CDCA2: variants seen among roughly 807,000 people sequenced by gnomAD.
The protein encoded by CDCA2 is cell division cycle-associated protein 2.
In CDCA2, 44 loss-of-function variants were observed where a neutral mutation model predicts 67.0. The ratio of observed to expected loss-of-function variants is 0.66; its 90% CI spans 0.52 to 0.84. The LOEUF is 0.84. Ranked by LOEUF, CDCA2 falls within the 40% of genes least tolerant of loss-of-function variation. The pLI is 0.00. For missense variants in CDCA2, 1,253 were observed against 1,203.2 expected (o/e 1.04, Z -0.61); for synonymous variants, 447 against 418.7 (o/e 1.07, Z -0.82).
At chr8:25,459,755 T>C (rs765576321) in intron 1 of CDCA2, among the ~76,000 whole-genome samples, 10 of 152,176 alleles carry the variant, frequency 6.6e-5, no homozygotes, top group Non-Finnish European at 1.0e-4. Context: ...TTTCTTTCTG[T>C]TTAATTTGGC....
At position 25,507,539 on chromosome 8, in the gene CDCA2, A is replaced by G; in HGVS notation, c.2873A>G (p.Glu958Gly). ...ATGGCACCTCCCGTCTCAGATCCAG[A>G]AAACAGCCAGGGCCCTGCTGCTGGT... The part of the protein sequence containing the change: ...PQMAPPVSDP[E>G]NSQGPAAGSS... The change falls in exon 15 of 15, where the codon GAA (glutamate) becomes GGA (glycine). Residue 958 changes from glutamate (E) to glycine (G), a missense_variant. Physicochemically the swap from Glu to Gly is moderately conservative, Grantham distance 98. Coordinates refer to ENST00000330560, the MANE Select transcript of CDCA2 (RefSeq NM_152562.4). The G allele has an allele frequency of 6.2e-7, 1 of 1,614,034 alleles. No individual in the cohort carries two copies. Among genetic ancestry groups the G allele is most frequent in the Admixed American group, 1.7e-5 (1 of 60,004 alleles).
intron 7 of CDCA2, chr8:25,472,140 A>C (rs1237426485): frequency 2.6e-5 from 4 of 151,666 alleles, no homozygotes; most frequent in Non-Finnish European, 4.4e-5. Context: ...AACTCAGCGA[A>C]TCTCCCTGCC....
chr8:25,495,587 T>C (rs951759740), intron 13 of CDCA2, among the ~76,000 whole-genome samples: 1 of 152,040 alleles, frequency 6.6e-6, no homozygotes, highest in African/African-American at 2.4e-5. Flanking sequence ...GCTAATTTTT[T>C]ATTTTTTATT....
intron 14 of CDCA2, among the ~76,000 whole-genome samples, chr8:25,505,806 T>A (rs1804654022): frequency 6.6e-6 from 1 of 152,194 alleles, no homozygotes; most frequent in Non-Finnish European, 1.5e-5. Context: ...TCATAAAGCC[T>A]GAACTCATGT....
At chr8:25,489,831 A>G (rs1413177810) in intron 13 of CDCA2, among the ~76,000 whole-genome samples, 1 of 152,202 alleles carries the variant, frequency 6.6e-6, no homozygotes, top group African/African-American at 2.4e-5. Context: ...AGCATGGTTA[A>G]TGACCATATA....
intron 14 of CDCA2, among the ~76,000 whole-genome samples, chr8:25,506,182 T>A (rs17053803): frequency 0.012 from 1,818 of 152,352 alleles, 24 homozygotes; most frequent in African/African-American, 0.042. Context: ...ATGGGAAATG[T>A]CACTGCCTCA....
In CDCA2 at chr8:25,484,135, T is replaced by G; in HGVS notation, c.1290T>G (p.Ser430Arg). Residue 430 changes from serine (S) to arginine (R), a missense_variant, in exon 10 of 15, where the codon AGT (serine) becomes AGG (arginine). Physicochemically the swap from Ser to Arg is moderately radical, Grantham distance 110 (BLOSUM62 -1). Coordinates refer to ENST00000330560, the MANE Select transcript of CDCA2 (RefSeq NM_152562.4). ...GTAAAAAAGACTTCAGTGGTCTCAG[T>G]TCCCTGCTGCTTGAGCAGTCACCTG... The part of the protein sequence containing the change: ...PVCKKDFSGL[S>R]SLLLEQSPVP... 6.2e-7 allele frequency: 1 copy of G among 1,614,176 alleles called. No individual in the cohort carries two copies. Among genetic ancestry groups the G allele is most frequent in the Non-Finnish European group, 8.5e-7 (1 of 1,180,034 alleles).
At chr8:25,461,125 G>A (rs577717081) in intron 3 of CDCA2, among the ~76,000 whole-genome samples, 14 of 151,854 alleles carry the variant, frequency 9.2e-5, no homozygotes, top group African/African-American at 3.4e-4. Flanking sequence ...AAATTAGCCG[G>A]GCATGGTGGT....
Position 25,506,709 on chromosome 8 carries a change from T to A in CDCA2, c.2043T>A (p.Asn681Lys). 6.2e-7 allele frequency: 1 copy of A among 1,610,978 alleles called. No homozygotes were observed. Among genetic ancestry groups the A allele is most frequent in the Non-Finnish European group, 8.5e-7 (1 of 1,179,028 alleles). The change falls in exon 15 of 15, where the codon AAT becomes AAA. Residue 681 changes from asparagine to lysine, a missense_variant. Asn to Lys is a moderately conservative substitution (Grantham distance 94). Coordinates refer to ENST00000330560, the MANE Select transcript of CDCA2 (RefSeq NM_152562.4). ...NATSDEDPNT[N>K]IMNINENKNI... ...CTTCTGATGAAGATCCAAATACAAA[T>A]ATAATGAACATTAATGAAAATAAAA...
intron 7 of CDCA2, among the ~76,000 whole-genome samples, chr8:25,470,770 T>G (rs1469138453): frequency 6.6e-6 from 1 of 151,808 alleles, no homozygotes; most frequent in Non-Finnish European, 1.5e-5. Flanking sequence ...GTTTTTCTTT[T>G]TTTTTTTTTA....
At chr8:25,462,534 G>A (rs1437643242) in intron 4 of CDCA2, among the ~76,000 whole-genome samples, 4 of 98,850 alleles carry the variant, frequency 4.0e-5, no homozygotes, top group South Asian at 2.9e-4. Flanking sequence ...GCTGAGGCAC[G>A]AGAATTGCTT....
intron 14 of CDCA2, 62 bp downstream of exon 14, chr8:25,503,606 T>G (rs1031762848): frequency 1.3e-6 from 2 of 1,508,174 alleles, no homozygotes; most frequent in Non-Finnish European, 1.8e-6. Flanking sequence ...TTTGTTGCTA[T>G]TTTACTTTTT....
At position 25,469,939 on chromosome 8, in the gene CDCA2, A is replaced by T; in HGVS notation, c.779A>T (p.Glu260Val). The T allele has an allele frequency of 6.2e-7, 1 of 1,612,090 alleles. No homozygotes were observed. Among genetic ancestry groups the T allele is most frequent in the African/African-American group, 1.3e-5 (1 of 75,022 alleles). ...TCAACACAGTCTGGATTTTTAGTTGAAGAGTCTCTTCCCCTTTCAGAGCTC... is the reference window on the plus strand; with the variant it reads ...TCAACACAGTCTGGATTTTTAGTTGTAGAGTCTCTTCCCCTTTCAGAGCTC... ...LGSTQSGFLVEESLPLSELTE... is the reference protein window; with the variant it reads ...LGSTQSGFLVVESLPLSELTE... The change falls in exon 7 of 15, where the codon GAA (glutamate) becomes GTA (valine). Residue 260 changes from glutamate (E) to valine (V), a missense_variant. Transcript: ENST00000330560.
rs751142957 is a variant in CDCA2 at position 25,488,612 on chromosome 8, TGTAAA to T, written c.1596_1600del (p.Cys532Ter). The T allele has an allele frequency of 1.2e-6, 2 of 1,613,106 alleles. No individual in the cohort carries two copies. Among genetic ancestry groups the T allele is most frequent in the Non-Finnish European group, 1.7e-6 (2 of 1,179,758 alleles). On this transcript the variant is annotated frameshift_variant, in exon 13 of 15. Transcript: ENST00000330560. LOFTEE classifies it high-confidence loss of function. ...CTTATTGAATACAGAAGTTCAGCCT[TGTAAA>T]GAAAAGAAAATTAATAGGAGGAAGT...
intron 4 of CDCA2, among the ~76,000 whole-genome samples, chr8:25,462,835 A>G (rs1348403978): frequency 1.3e-5 from 2 of 152,078 alleles, no homozygotes; most frequent in Non-Finnish European, 2.9e-5. Flanking sequence ...TGCCACAGCA[A>G]TGGGCTAATT....
At position 25,468,209 on chromosome 8, in the gene CDCA2, G is replaced by A. The variant is rs372492958; in HGVS notation, c.539-8G>A. On this transcript the variant is annotated splice_polypyrimidine_tract_variant and splice_region_variant and intron_variant, in intron 5 of 14. Transcript: ENST00000330560. The stretch of plus-strand genomic sequence containing the variant: ...CTGTGTCGTTTTGTTTTTATTTTGT[G>A]TTTATAGCCAGAAAGGAAGGTCTCA... The A allele has an allele frequency of 7.1e-6, 11 of 1,541,288 alleles. No homozygotes were observed. The highest frequency in any genetic ancestry group is 9.6e-6 in the Non-Finnish European group (11 of 1,140,684).
At chr8:25,474,805 GGTT>G (rs1176827678) in intron 7 of CDCA2, among the ~76,000 whole-genome samples, 9 of 152,192 alleles carry the variant, frequency 5.9e-5, no homozygotes, top group African/African-American at 2.2e-4. Flanking sequence ...GTCTGCTTGA[GGTT>G]GTTGCTTGGC....
At chr8:25,471,144 G>GTTTC (rs386412355) in intron 7 of CDCA2, among the ~76,000 whole-genome samples, 3 of 151,866 alleles carry the variant, frequency 2.0e-5, no homozygotes, top group Non-Finnish European at 4.4e-5. Flanking sequence ...TTCTTATGTT[G>GTTTC]TTTTTTCCTA....
In CDCA2 at chr8:25,479,725, C is replaced by G. The variant is rs909535709; in HGVS notation, c.821-188C>G. ...TAGTCCGATTTGAGGTAAAAACTGACCGATGCTGCTTCTTTACCTCCTTTT... is the reference window on the plus strand; with the variant it reads ...TAGTCCGATTTGAGGTAAAAACTGAGCGATGCTGCTTCTTTACCTCCTTTT... On this transcript the variant is annotated intron_variant, in intron 7 of 14. Coordinates refer to ENST00000330560, the MANE Select transcript of CDCA2 (RefSeq NM_152562.4). 1.8e-5 allele frequency: 11 copies of G among 602,966 alleles called. No individual in the cohort carries two copies. The African/African-American group carries it at 1.9e-4, about 10-fold the overall frequency. 37.4% of individuals were successfully genotyped at this position (602,966 alleles called of 1,614,324 possible). A position where few individuals can be genotyped will look rare whatever the true frequency, so the allele number is the denominator to read the frequency against.
Sources: gnomAD v4.1 joint callset for allele counts (sites outside exome capture counted in the v4.1 genomes callset) on GRCh38, gnomAD v4.1.1 for gene constraint, MANE v1.5 for transcripts, NCBI Gene and HGNC (gene_info 2026-07-23, HGNC 2026-07-21) for gene names.